The following TRIM36 variants were observed in gnomAD, a reference collection of about 807,000 sequenced individuals.
The protein encoded by TRIM36 is E3 ubiquitin-protein ligase TRIM36.
A neutral mutation model predicts 72.4 loss-of-function variants in TRIM36; 42 were observed. That is an observed-to-expected ratio of 0.58 (90% confidence interval 0.45 to 0.75). The LOEUF is 0.75. Ranked by LOEUF, TRIM36 falls within the 30% of genes least tolerant of loss-of-function variation. TRIM36 has a pLI of 0.00. For synonymous variants in TRIM36, 315 were observed against 282.8 expected, an observed-to-expected ratio of 1.11 and a Z score of -1.14; for missense variants, 913 against 857.1, an observed-to-expected ratio of 1.07 and a Z score of -0.81.
Position 115,163,537 on chromosome 5 carries a change from A to C in TRIM36, c.243T>G (p.Ile81Met). ...ACATACCTGGTCTGTTAATTCGGTC[A>C]ATTTTATCCATACTAGGGGAGGGGA... Reference protein sequence around the residue: ...LRLPSPSMDKIDRINRPGWKR... With the variant: ...LRLPSPSMDKMDRINRPGWKR... Residue 81 changes from isoleucine to methionine, a missense_variant, in exon 2 of 10, where the codon ATT (isoleucine) becomes ATG (methionine). Ile to Met is a conservative substitution (Grantham distance 10). Transcript: ENST00000513154. The C allele has an allele frequency of 5.6e-6, 9 of 1,614,188 alleles. No individual in the cohort carries two copies. The Middle Eastern group carries it at 1.5e-3, about 266-fold the overall frequency.
At chr5:115,169,984 C>T, upstream of TRIM36, 1 of 1,126,134 alleles carries the variant, frequency 8.9e-7, no homozygotes, top group Non-Finnish European at 1.1e-6. Context: ...GGTCGTTGCC[C>T]AGGCAACAGC....
chr5:115,126,938 T>C, intron 9 of TRIM36, 81 bp from the exon 10 acceptor site: 1 of 1,296,856 alleles, frequency 7.7e-7, no homozygotes, highest in South Asian at 1.6e-5. Context: ...TAATATACAT[T>C]GATGTAAAGT....
chr5:115,166,684 T>G (rs2126939424), intron 1 of TRIM36, among the ~76,000 whole-genome samples: 1 of 152,176 alleles, frequency 6.6e-6, no homozygotes, highest in South Asian at 2.1e-4. Context: ...ATGTTGTGGG[T>G]GACGATGAGG....
intron 1 of TRIM36, among the ~76,000 whole-genome samples, chr5:115,175,985 G>T (rs1755319992): frequency 6.6e-6 from 1 of 152,098 alleles, no homozygotes; most frequent in Admixed American, 6.5e-5. Context: ...AATTAGCCGG[G>T]CATGGTGGCG....
intron 1 of TRIM36, chr5:115,169,204 G>A (rs915818288): frequency 5.5e-6 from 1 of 182,286 alleles, no homozygotes; most frequent in African/African-American, 2.3e-5. Flanking sequence ...CGGGCCCGCG[G>A]GGGTCAAGAC....
At chr5:115,178,915 C>G (rs977209735) in intron 1 of TRIM36, among the ~76,000 whole-genome samples, 1 of 152,204 alleles carries the variant, frequency 6.6e-6, no homozygotes, top group African/African-American at 2.4e-5. Context: ...GAATCTAAAA[C>G]TACTCCATAT....
intron 2 of TRIM36, among the ~76,000 whole-genome samples, chr5:115,152,611 G>A (rs1753952861): frequency 6.6e-6 from 1 of 152,176 alleles, no homozygotes; most frequent in Non-Finnish European, 1.5e-5. Flanking sequence ...CTTAAGAGCT[G>A]TGACACAAAA....
At chr5:115,165,023 G>A (rs1443366373) in intron 1 of TRIM36, among the ~76,000 whole-genome samples, 1 of 152,170 alleles carries the variant, frequency 6.6e-6, no homozygotes, top group East Asian at 1.9e-4. Flanking sequence ...GCTCACAAGT[G>A]AGATCTCCTT....
At chr5:115,145,977 C>G (rs1320110589) in intron 3 of TRIM36, among the ~76,000 whole-genome samples, 1 of 152,200 alleles carries the variant, frequency 6.6e-6, no homozygotes, top group Non-Finnish European at 1.5e-5. Flanking sequence ...TTGAGTAGCA[C>G]TAACTACTTG....
intron 9 of TRIM36, among the ~76,000 whole-genome samples, chr5:115,129,493 G>C (rs543671687): frequency 1.3e-5 from 2 of 152,190 alleles, no homozygotes; most frequent in African/African-American, 4.8e-5. Flanking sequence ...GGGAGGCAGA[G>C]GTTGCGGTGA....
intron 4 of TRIM36, 77 bp downstream of exon 4, chr5:115,144,521 G>T: frequency 1.3e-6 from 2 of 1,562,858 alleles, no homozygotes; most frequent in South Asian, 1.2e-5. Flanking sequence ...AACACACCAT[G>T]ATTTTATAAA....
intron 5 of TRIM36, among the ~76,000 whole-genome samples, chr5:115,139,804 T>C (rs565597890): frequency 6.6e-6 from 1 of 152,352 alleles, no homozygotes; most frequent in African/African-American, 2.4e-5. Context: ...AACTCAGTAA[T>C]GTCCCCACTA....
At position 115,169,502 on chromosome 5, in the gene TRIM36, C is replaced by A. The variant is rs1754973367; in HGVS notation, c.27+106G>T. On this transcript the variant is annotated intron_variant, in intron 1 of 9. Coordinates refer to ENST00000513154, the MANE Select transcript of TRIM36 (RefSeq NM_001300759.2). ...CGGGATCCCCACACGCCTGCCTTTG[C>A]TCTCCCGGGAGGAGGCTCCCTCCGG... The A allele has an allele frequency of 3.9e-6, 5 of 1,266,878 alleles. No homozygotes were observed. The South Asian group carries it at 7.2e-5, about 18-fold the overall frequency. 78.5% of individuals were successfully genotyped at this position (1,266,878 alleles called of 1,614,324 possible).
At chr5:115,146,975 T>TAG (rs1313096182) in intron 3 of TRIM36, 94 bp downstream of exon 3, 33 of 1,254,786 alleles carry the variant, frequency 2.6e-5, no homozygotes, top group Non-Finnish European at 3.6e-5. Flanking sequence ...TGTCAAGTTC[T>TAG]AGACTTAATA....
At chr5:115,180,033 GACATGT>G in exon 1 of TRIM36, 3 of 1,614,050 alleles carry the variant, frequency 1.9e-6, no homozygotes, top group Admixed American at 1.7e-5. Flanking sequence ...CCCAGACTCC[GACATGT>G]TTACACCCCT....
In TRIM36 at chr5:115,126,120, C is replaced by A; in HGVS notation, c.*383G>T. 5.7e-6 allele frequency: 1 copy of A among 176,534 alleles called. No individual in the cohort carries two copies. Among genetic ancestry groups the A allele is most frequent in the Admixed American group, 5.5e-5 (1 of 18,052 alleles). The allele number at this position is 176,534 out of a possible 1,614,324, so 10.9% of individuals were successfully genotyped here. A position where few individuals can be genotyped will look rare whatever the true frequency, so the allele number is the denominator to read the frequency against. ...AAAATATCTTCTCTTAGGACATAAA[C>A]ATGATATAAAAATGAAAAGTCAAAC... On this transcript the variant is annotated 3_prime_UTR_variant, in exon 10 of 10. Transcript: ENST00000513154.
Position 115,139,020 on chromosome 5 carries a change from C to T in TRIM36, c.832-1404G>A, listed in dbSNP as rs779394615. 5.3e-5 allele frequency among the ~76,000 whole-genome samples: 8 copies of T among 151,766 alleles called. 1 individual carries two copies. The South Asian group carries it at 1.3e-3, about 24-fold the overall frequency. ...ATTTTTAGTAGAGATGGGGTTTCAC[C>T]GTGTTAGCCAGGATGGTCTTGATCT... On this transcript the variant is annotated intron_variant, in intron 5 of 9. Transcript: ENST00000513154.
intron 1 of TRIM36, among the ~76,000 whole-genome samples, chr5:115,165,141 G>A (rs1754691874): frequency 6.6e-6 from 1 of 152,212 alleles, no homozygotes; most frequent in African/African-American, 2.4e-5. Context: ...CACACCACCT[G>A]CTTTCATGGC....
intron 2 of TRIM36, among the ~76,000 whole-genome samples, chr5:115,156,052 C>T (rs1469610091): frequency 6.6e-6 from 1 of 152,028 alleles, no homozygotes; most frequent in African/African-American, 2.4e-5. Context: ...ACCACTTTTA[C>T]AATAGCTGCA....
Sources: gnomAD v4.1 joint callset for allele counts (sites outside exome capture counted in the v4.1 genomes callset) on GRCh38, gnomAD v4.1.1 for gene constraint, MANE v1.5 for transcripts, NCBI Gene and HGNC (gene_info 2026-07-23, HGNC 2026-07-21) for gene names.